SKI: variants seen among roughly 807,000 people sequenced by gnomAD.
SKI encodes SKI proto-oncogene.
In SKI, 23 loss-of-function variants were observed where a neutral mutation model predicts 59.3. The ratio of observed to expected loss-of-function variants is 0.39; its 90% CI spans 0.28 to 0.55. The LOEUF (loss-of-function observed/expected upper bound fraction) is 0.55. Ranked by LOEUF, SKI falls within the 20% of genes least tolerant of loss-of-function variation. SKI has a pLI of 0.67. For missense variants in SKI, 1,017 were observed against 1,038.9 expected (o/e 0.98, Z 0.29); for synonymous variants, 673 against 488.6 (o/e 1.38, Z -4.98).
intron 1 of SKI, among the ~76,000 whole-genome samples, chr1:2,248,861 C>T (rs1251805408): frequency 2.0e-5 from 3 of 152,232 alleles, no homozygotes; most frequent in Non-Finnish European, 4.4e-5. Context: ...CCTTCCTACT[C>T]TGAGTGTGGG....
rs574591139 is a variant in SKI, at chr1:2,289,466, G to A, written c.970-13512G>A. Among the ~76,000 whole-genome samples, 21 of 151,530 alleles carry A rather than the reference G, an allele frequency of 1.4e-4. 1 individual carries two copies. The highest frequency in any genetic ancestry group is 3.5e-3 in the Middle Eastern group (1 of 288). Reference sequence around the variant, plus strand: ...CAGAGCTACACCAACCCCGAGCCCCGCGCAGGGCAGGGCAGGAGAACCAAG... The same window carrying A: ...CAGAGCTACACCAACCCCGAGCCCCACGCAGGGCAGGGCAGGAGAACCAAG... On this transcript the variant is annotated intron_variant, in intron 1 of 6. Coordinates refer to ENST00000378536, the MANE Select transcript of SKI (RefSeq NM_003036.4).
chr1:2,251,508 G>A (rs1318552705), intron 1 of SKI, among the ~76,000 whole-genome samples: 2 of 152,176 alleles, frequency 1.3e-5, no homozygotes, highest in Admixed American at 6.5e-5. Flanking sequence ...CCACAGTGAC[G>A]TATGGTGTGT....
In SKI at chr1:2,267,398, C is replaced by A. The variant is rs1450070460; in HGVS notation, c.970-35580C>A. Among the ~76,000 whole-genome samples the A allele has an allele frequency of 6.6e-6, 1 of 152,182 alleles. No individual in the cohort carries two copies. The highest frequency in any genetic ancestry group is 6.5e-5 in the Admixed American group (1 of 15,288). ...GAGGAGCAAGGAAGGGGTGTGTTGA[C>A]AGGGCCGTTCGGGCCGGAGCAGGTG... On this transcript the variant is annotated intron_variant, in intron 1 of 6. Transcript: ENST00000378536. This position sits in a 1 kb window ranked among gnomAD's most constrained non-coding sequence, Gnocchi z 4.1.
chr1:2,286,670 C>T (rs1410302164), intron 1 of SKI, among the ~76,000 whole-genome samples: 1 of 152,260 alleles, frequency 6.6e-6, no homozygotes, highest in African/African-American at 2.4e-5. Context: ...TCGCTTAACT[C>T]ACCCATGTGG....
chr1:2,252,524 G>A (rs1220611306), intron 1 of SKI, among the ~76,000 whole-genome samples: 1 of 152,300 alleles, frequency 6.6e-6, no homozygotes, highest in East Asian at 1.9e-4. Flanking sequence ...CTGACTGAGG[G>A]TCTTTATTTC....
chr1:2,296,825 G>GCCA (rs1238884823), intron 1 of SKI, among the ~76,000 whole-genome samples: 1 of 152,124 alleles, frequency 6.6e-6, no homozygotes, highest in Non-Finnish European at 1.5e-5. Context: ...GACTGAGGCC[G>GCCA]CCACGTTCCT....
intron 1 of SKI, among the ~76,000 whole-genome samples, chr1:2,247,503 G>A (rs1290625709): frequency 6.6e-6 from 1 of 152,230 alleles, no homozygotes; most frequent in South Asian, 2.1e-4. Context: ...CCTCACAGAA[G>A]CCTGTCACGT....
chr1:2,229,432 C>A lies in SKI; in HGVS notation c.666C>A (p.His222Gln). 1 of 1,611,864 alleles carries A rather than the reference C, an allele frequency of 6.2e-7. No individual in the cohort carries two copies. Among genetic ancestry groups the A allele is most frequent in the Non-Finnish European group, 8.5e-7 (1 of 1,179,636 alleles). The change falls in exon 1 of 7, where the codon CAC (histidine) becomes CAA (glutamine). Residue 222 changes from histidine (H) to glutamine (Q), a missense_variant. Physicochemically the swap from His to Gln is conservative, Grantham distance 24. Coordinates refer to ENST00000378536, the MANE Select transcript of SKI (RefSeq NM_003036.4). The surrounding 1 kb of genome is among the most constrained non-coding windows in gnomAD (Gnocchi z 6.3). ...ELSERSVRVY[H>Q]ECFGKCKGLL... ...GCGAGCGCAGCGTCCGCGTGTACCA[C>A]GAGTGCTTCGGCAAGTGTAAGGGGC...
intron 1 of SKI, among the ~76,000 whole-genome samples, chr1:2,276,514 G>C (rs571980010): frequency 6.6e-6 from 1 of 152,246 alleles, no homozygotes; most frequent in Admixed American, 6.5e-5. Context: ...CCCTGTCTGT[G>C]CCTCTAGAGG....
At chr1:2,305,819 C>T (rs1278559434) in intron 5 of SKI, among the ~76,000 whole-genome samples, 2 of 152,226 alleles carry the variant, frequency 1.3e-5, no homozygotes, top group African/African-American at 2.4e-5. Context: ...ACAGGCCTGG[C>T]GGAAACTCCG....
At chr1:2,306,476 G>A in intron 6 of SKI, 101 bp from the exon 7 acceptor site, 2 of 1,265,652 alleles carry the variant, frequency 1.6e-6, no homozygotes, top group African/African-American at 3.0e-5. Context: ...GCGGCACTGG[G>A]GAGGGACAGG....
intron 1 of SKI, among the ~76,000 whole-genome samples, chr1:2,245,594 G>C (rs964433724): frequency 8.6e-5 from 13 of 151,392 alleles, no homozygotes; most frequent in Non-Finnish European, 1.5e-4. Context: ...TCCTGTCTCA[G>C]CCTCCCAAGT....
chr1:2,281,216 C>T (rs1387708107), intron 1 of SKI, among the ~76,000 whole-genome samples: 18 of 88 alleles, frequency 0.2, 8 homozygotes, highest in African/African-American at 0.79. Context: ...AGAGGACGCC[C>T]GAGAAGACAG....
At chr1:2,261,220 G>A (rs547460106) in intron 1 of SKI, among the ~76,000 whole-genome samples, 21 of 152,268 alleles carry the variant, frequency 1.4e-4, no homozygotes, top group South Asian at 4.1e-4. Context: ...GGTGATATTC[G>A]CGCTCTAACC....
At chr1:2,287,210 C>T (rs748453371) in intron 1 of SKI, among the ~76,000 whole-genome samples, 2 of 152,132 alleles carry the variant, frequency 1.3e-5, no homozygotes, top group Non-Finnish European at 2.9e-5. Flanking sequence ...TCCAGGGCGC[C>T]TGGAGACTGC....
Position 2,228,342 on chromosome 1 carries a change from C to T in SKI, c.-425C>T, listed in dbSNP as rs1452081505. Reference sequence around the variant, plus strand: ...CCGCTCCTCCCGGGCCCCTCGGCCTCGGCCGCCGCGGCGATTCGCGCCTCG... The same window carrying T: ...CCGCTCCTCCCGGGCCCCTCGGCCTTGGCCGCCGCGGCGATTCGCGCCTCG... On this transcript the variant is annotated 5_prime_UTR_variant, in exon 1 of 7. Coordinates refer to ENST00000378536, the MANE Select transcript of SKI (RefSeq NM_003036.4). Among the ~76,000 whole-genome samples the T allele has an allele frequency of 7.0e-6, 1 of 142,532 alleles. No individual in the cohort carries two copies. Among genetic ancestry groups the T allele is most frequent in the Non-Finnish European group, 1.6e-5 (1 of 64,412 alleles). 93.5% of individuals were successfully genotyped at this position (142,532 alleles called of 152,430 possible).
chr1:2,251,927 G>C lies in SKI; in HGVS notation c.969+22192G>C, dbSNP rs556238598. ...TGGCTGAACCGGCTTATCTGGCCTC[G>C]TCTCTGGAGGCCTCCCCAGCTGTCA... On this transcript the variant is annotated intron_variant, in intron 1 of 6. Coordinates refer to ENST00000378536, the MANE Select transcript of SKI (RefSeq NM_003036.4). 3.9e-5 allele frequency among the ~76,000 whole-genome samples: 6 copies of C among 152,242 alleles called. No homozygotes were observed. The South Asian group carries it at 1.0e-3, about 26-fold the overall frequency.
intron 6 of SKI, 80 bp downstream of exon 6, chr1:2,306,330 C>G: frequency 7.6e-7 from 1 of 1,311,736 alleles, no homozygotes; most frequent in Middle Eastern, 2.7e-4. Flanking sequence ...TCCTGCCCAG[C>G]CGGAAAGGCC....
In SKI at chr1:2,304,431, T is replaced by C; in HGVS notation, c.1613T>C (p.Leu538Pro). 6.4e-7 allele frequency: 1 copy of C among 1,559,208 alleles called. No homozygotes were observed. Among genetic ancestry groups the C allele is most frequent in the Non-Finnish European group, 8.7e-7 (1 of 1,152,456 alleles). Reference sequence around the variant, plus strand: ...GCCCCTGCCGACGCCCCCAGTGGGCTGGAGGCGGAGCTGGAGCACCTGCGG... The same window carrying C: ...GCCCCTGCCGACGCCCCCAGTGGGCCGGAGGCGGAGCTGGAGCACCTGCGG... Reference protein sequence around the residue: ...AAAPADAPSGLEAELEHLRQA... With the variant: ...AAAPADAPSGPEAELEHLRQA... Residue 538 changes from leucine (L) to proline (P), a missense_variant, in exon 5 of 7, where the codon CTG becomes CCG. Transcript: ENST00000378536.
Sources: gnomAD v4.1 joint callset for allele counts (sites outside exome capture counted in the v4.1 genomes callset) on GRCh38, gnomAD v4.1.1 for gene constraint, Gnocchi (gnomAD v3.1) non-coding constraint, MANE v1.5 for transcripts, NCBI Gene and HGNC (gene_info 2026-07-23, HGNC 2026-07-21) for gene names.